The following STUM variants were observed in gnomAD, a reference collection of about 807,000 sequenced individuals.
STUM encodes stum, mechanosensory transduction mediator homolog.
A neutral mutation model predicts 15.3 loss-of-function variants in STUM; 8 were observed. That is an observed-to-expected ratio of 0.52 (90% CI 0.31 to 0.94). The LOEUF (loss-of-function observed/expected upper bound fraction) is 0.94. STUM is among the 40% of genes least tolerant of loss of function. The pLI is 0.05. For missense variants in STUM, 142 were observed against 204.9 expected (o/e 0.69, Z 1.87); for synonymous variants, 78 against 88.7 (o/e 0.88, Z 0.68).
intron 1 of STUM, among the ~76,000 whole-genome samples, chr1:226,560,927 C>G (rs1667531913): frequency 6.6e-6 from 1 of 152,172 alleles, no homozygotes. Context: ...GAGCTTTACC[C>G]ATTCTTTCCC....
chr1:226,580,039 C>T (rs572176776), intron 1 of STUM, among the ~76,000 whole-genome samples: 10 of 152,262 alleles, frequency 6.6e-5, no homozygotes, highest in East Asian at 1.9e-4. Flanking sequence ...TGTAAGGAGG[C>T]GGCAGTCCAG....
chr1:226,579,414 C>T (rs1667881741), intron 1 of STUM, among the ~76,000 whole-genome samples: 1 of 152,204 alleles, frequency 6.6e-6, no homozygotes. Context: ...GCAAAATTTA[C>T]TTGGTCCCTG....
At chr1:226,597,564 G>C (rs1328941034) in intron 2 of STUM, among the ~76,000 whole-genome samples, 2 of 152,222 alleles carry the variant, frequency 1.3e-5, no homozygotes, top group East Asian at 1.9e-4. Context: ...AGCTGAGCCA[G>C]GTAAGAGTGG....
intron 2 of STUM, 23 bp downstream of exon 2, chr1:226,597,004 C>A: frequency 6.2e-7 from 1 of 1,612,178 alleles, no homozygotes; most frequent in Non-Finnish European, 8.5e-7. Flanking sequence ...TGGTGCTGCG[C>A]CTCCTGGGGG....
rs1668398708 is a variant in STUM at position 226,608,564 on chromosome 1, G to A, written c.*6524G>A. 6.6e-6 allele frequency: 1 copy of A among 151,996 alleles called. No individual in the cohort carries two copies. The highest frequency in any genetic ancestry group is 2.1e-4 in the South Asian group (1 of 4,814). 9.4% of individuals were successfully genotyped at this position (151,996 alleles called of 1,614,324 possible). A position where few individuals can be genotyped will look rare whatever the true frequency, so the allele number is the denominator to read the frequency against. ...TTGACACCGTGATTGGCTTTGTTTG[G>A]GTCTCTCTTCTTTCTGTGAAATTAA... On this transcript the variant is annotated 3_prime_UTR_variant, in exon 4 of 4. Coordinates refer to ENST00000366788, the MANE Select transcript of STUM (RefSeq NM_001003665.4). This position sits in a 1 kb window ranked among gnomAD's most constrained non-coding sequence, Gnocchi z 4.0.
intron 1 of STUM, among the ~76,000 whole-genome samples, chr1:226,560,410 C>T (rs1667521172): frequency 6.6e-6 from 1 of 152,198 alleles, no homozygotes. Context: ...AAGCTCACAT[C>T]AGTGTTGCTG....
At chr1:226,555,010 A>T (rs1229518841) in intron 1 of STUM, among the ~76,000 whole-genome samples, 1 of 151,934 alleles carries the variant, frequency 6.6e-6, no homozygotes, top group Non-Finnish European at 1.5e-5. Flanking sequence ...CTCTTCCTGG[A>T]CCTATCAGCA....
intron 1 of STUM, among the ~76,000 whole-genome samples, chr1:226,572,277 CTG>C (rs1362908006): frequency 6.6e-6 from 1 of 152,226 alleles, no homozygotes; most frequent in Non-Finnish European, 1.5e-5. Flanking sequence ...GCCATTGACT[CTG>C]AGATTCTCAG....
At chr1:226,550,868 C>T (rs928426354) in intron 1 of STUM, among the ~76,000 whole-genome samples, 1 of 152,212 alleles carries the variant, frequency 6.6e-6, no homozygotes, top group African/African-American at 2.4e-5. Context: ...TGACCCCTGG[C>T]TCCTTGCCCT....
chr1:226,559,989 A>T (rs1198934149), intron 1 of STUM, among the ~76,000 whole-genome samples: 6 of 138,994 alleles, frequency 4.3e-5, no homozygotes, highest in Non-Finnish European at 7.9e-5. Context: ...AAAAAAAAAA[A>T]TTAGCCAGGT....
intron 2 of STUM, among the ~76,000 whole-genome samples, chr1:226,597,597 G>A (rs1451985147): frequency 1.3e-5 from 2 of 152,194 alleles, no homozygotes; most frequent in Non-Finnish European, 2.9e-5. Context: ...GGGAAACTCA[G>A]GGTTCAGGGG....
Position 226,602,139 on chromosome 1 carries a change from T to C in STUM, c.*99T>C. The C allele has an allele frequency of 1.2e-6, 1 of 861,822 alleles. No homozygotes were observed. The highest frequency in any genetic ancestry group is 1.5e-5 in the South Asian group (1 of 67,374). The allele number at this position is 861,822 out of a possible 1,614,324, so 53.4% of individuals were successfully genotyped here. On this transcript the variant is annotated 3_prime_UTR_variant, in exon 4 of 4. Transcript: ENST00000366788. ...CTTTACATGTTCTTTTCTGCCATTT[T>C]CTGGACTGGGGGTGGAAAGGGGGTA...
chr1:226,566,788 C>T (rs555499061), intron 1 of STUM, among the ~76,000 whole-genome samples: 20 of 152,140 alleles, frequency 1.3e-4, no homozygotes, highest in Non-Finnish European at 2.1e-4. Context: ...GTAATTCCTA[C>T]GAAGGAACAG....
intron 1 of STUM, among the ~76,000 whole-genome samples, chr1:226,581,124 A>G (rs903458098): frequency 2.0e-5 from 3 of 152,208 alleles, no homozygotes; most frequent in African/African-American, 7.2e-5. Flanking sequence ...TAGTTTGGAG[A>G]TGACCCAGAC....
intron 3 of STUM, among the ~76,000 whole-genome samples, chr1:226,601,182 A>G (rs914650865): frequency 6.6e-6 from 1 of 151,626 alleles, no homozygotes; most frequent in Non-Finnish European, 1.5e-5. Context: ...GCTGGAGTGC[A>G]GTGGCGCAAT....
At chr1:226,571,179 C>T (rs370088346) in intron 1 of STUM, among the ~76,000 whole-genome samples, 38 of 152,072 alleles carry the variant, frequency 2.5e-4, no homozygotes, top group African/African-American at 7.2e-4. Context: ...TGCAGTGAGC[C>T]GAGATCACAT....
At chr1:226,560,779 T>G (rs1182508887) in intron 1 of STUM, among the ~76,000 whole-genome samples, 1 of 152,180 alleles carries the variant, frequency 6.6e-6, no homozygotes, top group African/African-American at 2.4e-5. Context: ...TTTGATTTTC[T>G]CTGTTAGCAG....
At chr1:226,597,478 T>G in intron 2 of STUM, 2 of 472,320 alleles carry the variant, frequency 4.2e-6, no homozygotes, top group South Asian at 3.1e-5. Context: ...TTGCCTTCAC[T>G]CTGTACCCCA....
chr1:226,592,110 C>A (rs1335269461), intron 1 of STUM, among the ~76,000 whole-genome samples: 1 of 152,184 alleles, frequency 6.6e-6, no homozygotes, highest in Non-Finnish European at 1.5e-5. Flanking sequence ...TACAGTGGAG[C>A]ATTCTTGGCT....
Sources: gnomAD v4.1 joint callset for allele counts (sites outside exome capture counted in the v4.1 genomes callset) on GRCh38, gnomAD v4.1.1 for gene constraint, Gnocchi (gnomAD v3.1) non-coding constraint, MANE v1.5 for transcripts, NCBI Gene and HGNC (gene_info 2026-07-23, HGNC 2026-07-21) for gene names.